The following CNTLN variants were observed in gnomAD, a reference collection of about 807,000 sequenced individuals.
CNTLN encodes the protein centlein, centrosomal protein.
A neutral mutation model predicts 180.0 loss-of-function variants in CNTLN; 212 were observed. The ratio of observed to expected loss-of-function variants is 1.18; its 90% confidence interval spans 1.05 to 1.32. CNTLN has a LOEUF of 1.32. CNTLN is among the 40% of genes most tolerant of loss of function. The probability of loss-of-function intolerance (pLI) is 0.00; values close to 1 mark genes in which losing one functional copy is unlikely to be tolerated. For synonymous variants in CNTLN, 722 were observed against 563.1 expected (o/e 1.28, Z -3.99); for missense variants, 2,095 against 1,610.9 (o/e 1.30, Z -5.14).
chr9:17,420,412 C>T (rs1828623301), intron 18 of CNTLN, among the ~76,000 whole-genome samples: 1 of 152,120 alleles, frequency 6.6e-6, no homozygotes. Flanking sequence ...GTTGTAATAT[C>T]TGCTTTTTCA....
chr9:17,466,354 C>G (rs141298491), intron 22 of CNTLN, among the ~76,000 whole-genome samples: 5 of 151,298 alleles, frequency 3.3e-5, no homozygotes, highest in African/African-American at 7.3e-5. Context: ...GAAATGAAAA[C>G]TATTATTGAA....
intron 3 of CNTLN, among the ~76,000 whole-genome samples, 184 bp from the exon 4 acceptor site, chr9:17,235,474 G>A (rs1172622048): frequency 6.6e-6 from 1 of 152,118 alleles, no homozygotes; most frequent in East Asian, 1.9e-4. Flanking sequence ...AATAGGCCCT[G>A]TACTTGCACA....
At chr9:17,298,807 A>T (rs1243345354) in intron 7 of CNTLN, 1 of 985,638 alleles carries the variant, frequency 1.0e-6, no homozygotes, top group Non-Finnish European at 1.2e-6. Flanking sequence ...ATTTTCCAGG[A>T]TTTTTCTCTG....
intron 2 of CNTLN, among the ~76,000 whole-genome samples, chr9:17,201,539 C>A (rs532450886): frequency 6.6e-6 from 1 of 151,978 alleles, no homozygotes; most frequent in African/African-American, 2.4e-5. Flanking sequence ...TTCAGGGATT[C>A]GACTTCTTTC....
chr9:17,213,776 C>G (rs979362849), intron 2 of CNTLN, among the ~76,000 whole-genome samples: 5 of 152,134 alleles, frequency 3.3e-5, no homozygotes, highest in Non-Finnish European at 7.3e-5. Flanking sequence ...ATAGTTAGCT[C>G]TTCTTGTTGA....
At chr9:17,455,416 A>C in intron 18 of CNTLN, among the ~76,000 whole-genome samples, 1 of 152,200 alleles carries the variant, frequency 6.6e-6, no homozygotes, top group South Asian at 2.1e-4. Context: ...TTATATTGTT[A>C]AATTGAAGTT....
chr9:17,522,810 C>G, the CNTLN span, among the ~76,000 whole-genome samples: 2 of 151,706 alleles, frequency 1.3e-5, no homozygotes, highest in African/African-American at 2.4e-5. Context: ...CCAACGCTGC[C>G]CCCTGCCCAC....
At chr9:17,292,524 T>A (rs976212563) in intron 6 of CNTLN, among the ~76,000 whole-genome samples, 11 of 152,146 alleles carry the variant, frequency 7.2e-5, no homozygotes, top group African/African-American at 2.7e-4. Flanking sequence ...TCTCGTCTTG[T>A]CTGCCTTGTC....
chr9:17,144,637 CAG>C (rs1212073990), intron 2 of CNTLN, among the ~76,000 whole-genome samples: 3 of 151,452 alleles, frequency 2.0e-5, no homozygotes, highest in East Asian at 3.9e-4. Flanking sequence ...TTATAATATA[CAG>C]AGTATATATT....
intron 2 of CNTLN, among the ~76,000 whole-genome samples, chr9:17,174,776 G>A (rs1190524347): frequency 6.6e-6 from 1 of 151,646 alleles, no homozygotes; most frequent in Non-Finnish European, 1.5e-5. Context: ...ATCCAGCAAT[G>A]TGTGAGAGTG....
rs1587840324 is a variant in CNTLN at position 17,383,388 on chromosome 9, C to T, written c.1988-4774C>T. ...AAAAAGTTGGGTGTGGTGGCACACA[C>T]TTGTACTACCAGCTACTTGGGTCGC... On this transcript the variant is annotated intron_variant, in intron 13 of 25. Transcript: ENST00000380647. Among the ~76,000 whole-genome samples, 3 of 151,850 alleles carry T rather than the reference C, an allele frequency of 2.0e-5. No homozygotes were observed. In the South Asian group the frequency reaches 6.3e-4, roughly 32 times the overall value.
chr9:17,411,257 T>A (rs969122399), intron 16 of CNTLN, among the ~76,000 whole-genome samples: 5 of 152,046 alleles, frequency 3.3e-5, no homozygotes, highest in African/African-American at 4.8e-5. Flanking sequence ...ATGCCCTGGA[T>A]AAAACCCTTC....
chr9:17,502,617 G>A lies in CNTLN; in HGVS notation c.4186G>A (p.Glu1396Lys). ...EKINEKKKLV[E>K]GYFTIMKDIR ...AATAAATGAAAAAAAGAAACTAGTTGAAGGATATTTCACAATTATGAAAGA... is the reference window on the plus strand; with the variant it reads ...AATAAATGAAAAAAAGAAACTAGTTAAAGGATATTTCACAATTATGAAAGA... The change falls in exon 26 of 26, where the codon GAA (glutamate) becomes AAA (lysine). Residue 1396 changes from glutamate (E) to lysine (K), a missense_variant. Glu to Lys is a moderately conservative substitution (Grantham distance 56). Transcript: ENST00000380647. The A allele has an allele frequency of 2.2e-6, 3 of 1,385,550 alleles. No homozygotes were observed. In the South Asian group the frequency reaches 4.0e-5, roughly 18 times the overall value. 85.8% of individuals were successfully genotyped at this position (1,385,550 alleles called of 1,614,324 possible).
intron 12 of CNTLN, among the ~76,000 whole-genome samples, chr9:17,356,129 C>T (rs1161150132): frequency 2.0e-5 from 3 of 150,810 alleles, no homozygotes; most frequent in African/African-American, 4.9e-5. Flanking sequence ...TATCATAAGT[C>T]AAGAGCAAAT....
At chr9:17,516,328 C>G in the CNTLN span, among the ~76,000 whole-genome samples, 3 of 152,174 alleles carry the variant, frequency 2.0e-5, no homozygotes, top group African/African-American at 7.2e-5. Context: ...AAAGGAATAA[C>G]TTTGCTCACC....
At chr9:17,181,978 G>A (rs1451034375) in intron 2 of CNTLN, among the ~76,000 whole-genome samples, 1 of 152,150 alleles carries the variant, frequency 6.6e-6, no homozygotes. Flanking sequence ...GGGGAGCAGG[G>A]GCTGGAGGAG....
At chr9:17,409,200 C>A in intron 15 of CNTLN, 93 bp from the exon 16 acceptor site, 1 of 1,177,388 alleles carries the variant, frequency 8.5e-7, no homozygotes, top group Non-Finnish European at 1.2e-6. Flanking sequence ...TATATACAAT[C>A]TATGCTAAAA....
At chr9:17,526,170 T>A in the CNTLN span, among the ~76,000 whole-genome samples, 1 of 152,032 alleles carries the variant, frequency 6.6e-6, no homozygotes, top group African/African-American at 2.4e-5. Context: ...CTCCTGACCT[T>A]GTGATCCACC....
chr9:17,494,573 T>A (rs1382236196), intron 25 of CNTLN, among the ~76,000 whole-genome samples: 1 of 152,134 alleles, frequency 6.6e-6, no homozygotes, highest in Non-Finnish European at 1.5e-5. Flanking sequence ...CTTCTCTGTG[T>A]CCATATGTTC....
Sources: gnomAD v4.1 joint callset for allele counts (sites outside exome capture counted in the v4.1 genomes callset) on GRCh38, gnomAD v4.1.1 for gene constraint, MANE v1.5 for transcripts, NCBI Gene and HGNC (gene_info 2026-07-23, HGNC 2026-07-21) for gene names.